The following ABTB3 variants were observed in gnomAD, a reference collection of about 807,000 sequenced individuals.
ABTB3 encodes ankyrin repeat and BTB domain containing 3.
the ABTB3 span, among the ~76,000 whole-genome samples, chr12:107,508,828 C>T: frequency 1.2e-4 from 19 of 152,272 alleles, no homozygotes; most frequent in South Asian, 1.7e-3. Context: ...CACCACATGG[C>T]GTTATGCCCA....
the ABTB3 span, among the ~76,000 whole-genome samples, chr12:107,524,580 A>G: frequency 1.3e-5 from 2 of 152,332 alleles, no homozygotes; most frequent in African/African-American, 2.4e-5. Flanking sequence ...GGGAACTATG[A>G]TAAGTGTTTA....
At chr12:107,489,874 G>A in the ABTB3 span, among the ~76,000 whole-genome samples, 1 of 151,860 alleles carries the variant, frequency 6.6e-6, no homozygotes, top group African/African-American at 2.4e-5. Flanking sequence ...GCGACCCTCA[G>A]CCTCCCAAAG....
the ABTB3 span, among the ~76,000 whole-genome samples, chr12:107,414,462 G>C: frequency 2.6e-5 from 4 of 151,976 alleles, no homozygotes; most frequent in East Asian, 5.8e-4. Context: ...AAAAACCCGA[G>C]CATGCACCCT....
the ABTB3 span, among the ~76,000 whole-genome samples, chr12:107,360,461 A>C: frequency 1.3e-5 from 2 of 152,044 alleles, no homozygotes; most frequent in African/African-American, 4.8e-5. Flanking sequence ...CCAGGTTCCC[A>C]TTTCCTGAAT....
At chr12:107,595,587 G>A in the ABTB3 span, among the ~76,000 whole-genome samples, 2 of 152,286 alleles carry the variant, frequency 1.3e-5, no homozygotes, top group Admixed American at 1.3e-4. Flanking sequence ...CCAGACAGCA[G>A]CATTGGAAGA....
At chr12:107,520,574 C>T in the ABTB3 span, 33 of 1,614,080 alleles carry the variant, frequency 2.0e-5, no homozygotes, top group East Asian at 1.3e-4. Flanking sequence ...TTCAGCCAGT[C>T]GGAGCTGAGG....
At chr12:107,469,874 C>CTTTCTTTCT in the ABTB3 span, among the ~76,000 whole-genome samples, 1 of 92,954 alleles carries the variant, frequency 1.1e-5, no homozygotes, top group African/African-American at 5.2e-5. Flanking sequence ...TCTTTTCTTT[C>CTTTCTTTCT]TTTCTTTCTT....
chr12:107,416,700 A>G, the ABTB3 span, among the ~76,000 whole-genome samples: 1 of 152,178 alleles, frequency 6.6e-6, no homozygotes, highest in Non-Finnish European at 1.5e-5. Context: ...TCACTCTGTC[A>G]CCCAGGCTAG....
At chr12:107,523,180 A>G in the ABTB3 span, among the ~76,000 whole-genome samples, 1 of 152,204 alleles carries the variant, frequency 6.6e-6, no homozygotes, top group East Asian at 1.9e-4. Flanking sequence ...GTACACCCAG[A>G]TAGGCACTCT....
the ABTB3 span, among the ~76,000 whole-genome samples, chr12:107,573,299 C>A: frequency 6.6e-6 from 1 of 152,226 alleles, no homozygotes; most frequent in Non-Finnish European, 1.5e-5. Flanking sequence ...TATGTCCCTG[C>A]ATGCAACTAA....
At chr12:107,324,301 C>T in the ABTB3 span, among the ~76,000 whole-genome samples, 1 of 152,076 alleles carries the variant, frequency 6.6e-6, no homozygotes, top group Admixed American at 6.6e-5. Flanking sequence ...TCAGTACACC[C>T]ACCTCAAGGA....
At chr12:107,511,295 G>A in the ABTB3 span, among the ~76,000 whole-genome samples, 1 of 152,222 alleles carries the variant, frequency 6.6e-6, no homozygotes, top group Non-Finnish European at 1.5e-5. Context: ...ATAAGTACCA[G>A]TTAGATATTG....
At chr12:107,500,944 C>T in the ABTB3 span, among the ~76,000 whole-genome samples, 4 of 152,192 alleles carry the variant, frequency 2.6e-5, no homozygotes, top group Admixed American at 6.5e-5. Context: ...ACTTGGCCCC[C>T]GCCTTTCTCT....
At chr12:107,629,664 C>A in the ABTB3 span, among the ~76,000 whole-genome samples, 1 of 149,480 alleles carries the variant, frequency 6.7e-6, no homozygotes, top group Non-Finnish European at 1.5e-5. Context: ...TCAGACCCTG[C>A]ATGTGAAGAC....
At chr12:107,547,634 C>T in the ABTB3 span, among the ~76,000 whole-genome samples, 8 of 152,338 alleles carry the variant, frequency 5.3e-5, no homozygotes, top group Admixed American at 3.9e-4. Flanking sequence ...GCACAAAACA[C>T]AAAGTGGAAC....
chr12:107,512,346 G>C, the ABTB3 span, among the ~76,000 whole-genome samples: 1 of 152,212 alleles, frequency 6.6e-6, no homozygotes, highest in African/African-American at 2.4e-5. Flanking sequence ...AAATTTGGCT[G>C]TGAGCTTCCT....
At chr12:107,537,904 A>G in the ABTB3 span, among the ~76,000 whole-genome samples, 1 of 152,088 alleles carries the variant, frequency 6.6e-6, no homozygotes, top group Non-Finnish European at 1.5e-5. Context: ...GGCTGCCCAC[A>G]GCCTGCGGCC....
At chr12:107,459,375 T>C in the ABTB3 span, among the ~76,000 whole-genome samples, 1 of 152,204 alleles carries the variant, frequency 6.6e-6, no homozygotes, top group African/African-American at 2.4e-5. Flanking sequence ...CCAGCTACTA[T>C]GGTAGACACT....
chr12:107,502,218 C>A, the ABTB3 span, among the ~76,000 whole-genome samples: 1 of 152,010 alleles, frequency 6.6e-6, no homozygotes. Context: ...GTGCATGCCG[C>A]CTTGCCTGGC....
Sources: gnomAD v4.1 joint callset for allele counts (sites outside exome capture counted in the v4.1 genomes callset) on GRCh38, gnomAD v4.1.1 for gene constraint, MANE v1.5 for transcripts, NCBI Gene and HGNC (gene_info 2026-07-23, HGNC 2026-07-21) for gene names.